FGF12: variants seen among roughly 807,000 people sequenced by gnomAD.
FGF12 encodes fibroblast growth factor 12B.
Under a neutral mutation model 23.6 loss-of-function variants are expected in FGF12, and 14 were observed. That is an observed-to-expected ratio of 0.59 (90% CI 0.39 to 0.93). The LOEUF is 0.93. Ranked by LOEUF, FGF12 falls within the 40% of genes least tolerant of loss-of-function variation. The pLI is 0.00. For missense variants in FGF12, 175 were observed against 217.8 expected, an observed-to-expected ratio of 0.80 and a Z score of 1.24; for synonymous variants, 62 against 77.3, an observed-to-expected ratio of 0.80 and a Z score of 1.04.
intron 4 of FGF12, among the ~76,000 whole-genome samples, chr3:192,183,530 G>C (rs942777471): frequency 6.6e-6 from 1 of 152,212 alleles, no homozygotes; most frequent in Admixed American, 6.5e-5. Context: ...AATGAAGACA[G>C]AGAGGCCTGG....
chr3:192,287,201 T>C (rs779012033), intron 4 of FGF12, among the ~76,000 whole-genome samples: 48 of 152,064 alleles, frequency 3.2e-4, no homozygotes, highest in Non-Finnish European at 6.6e-4. Flanking sequence ...TAATAATTTA[T>C]GAACCATCCT....
At chr3:192,340,064 CT>C (rs1355200830) in intron 3 of FGF12, among the ~76,000 whole-genome samples, 1 of 152,086 alleles carries the variant, frequency 6.6e-6, no homozygotes, top group Non-Finnish European at 1.5e-5. Flanking sequence ...CACTCCAATA[CT>C]GAGTGCTTCT....
intron 2 of FGF12, among the ~76,000 whole-genome samples, chr3:192,526,080 A>G (rs554974382): frequency 6.6e-6 from 1 of 152,278 alleles, no homozygotes; most frequent in African/African-American, 2.4e-5. Flanking sequence ...CCTGAGTCAC[A>G]CTTCCATGTT....
chr3:192,518,498 G>C (rs1345176158), intron 2 of FGF12, among the ~76,000 whole-genome samples: 1 of 152,164 alleles, frequency 6.6e-6, no homozygotes, highest in Non-Finnish European at 1.5e-5. Flanking sequence ...CTTGGCATCA[G>C]CTGTGCAATT....
At chr3:192,216,479 T>C (rs1029120581) in intron 4 of FGF12, among the ~76,000 whole-genome samples, 6 of 152,224 alleles carry the variant, frequency 3.9e-5, no homozygotes, top group African/African-American at 1.4e-4. Flanking sequence ...TCAAATGAAA[T>C]ACATATCATA....
chr3:192,277,731 T>C (rs1030620574), intron 4 of FGF12, among the ~76,000 whole-genome samples: 2 of 152,112 alleles, frequency 1.3e-5, no homozygotes, highest in African/African-American at 4.8e-5. Flanking sequence ...GCTGTCACAG[T>C]CCCTGCAGCT....
At chr3:192,696,099 A>C (rs1560197437) in intron 2 of FGF12, among the ~76,000 whole-genome samples, 1 of 151,716 alleles carries the variant, frequency 6.6e-6, no homozygotes, top group Non-Finnish European at 1.5e-5. Flanking sequence ...ATTCTGTTTA[A>C]TGGTGGGCTA....
intron 2 of FGF12, among the ~76,000 whole-genome samples, chr3:192,647,870 T>C (rs1288112941): frequency 1.3e-5 from 2 of 151,710 alleles, no homozygotes; most frequent in African/African-American, 4.8e-5. Flanking sequence ...CCAAGCAAAC[T>C]AAATAGGAAA....
chr3:192,628,865 T>C (rs547432208), intron 2 of FGF12, among the ~76,000 whole-genome samples: 1 of 152,002 alleles, frequency 6.6e-6, no homozygotes, highest in Non-Finnish European at 1.5e-5. Flanking sequence ...ATCGGTTCCG[T>C]TTCTCTGGAG....
intron 4 of FGF12, among the ~76,000 whole-genome samples, chr3:192,292,862 G>C (rs1287001755): frequency 1.3e-5 from 2 of 152,028 alleles, no homozygotes; most frequent in African/African-American, 4.8e-5. Context: ...CTACAGCCTC[G>C]ACCTCCTGAG....
chr3:192,557,107 A>C (rs113154887), intron 2 of FGF12, among the ~76,000 whole-genome samples: 1,544 of 152,084 alleles, frequency 0.01, 17 homozygotes, highest in African/African-American at 0.034. Flanking sequence ...AAGAAAAAAA[A>C]CCTCAAATAA....
chr3:192,203,771 T>C (rs923727712), intron 4 of FGF12, among the ~76,000 whole-genome samples: 5 of 152,078 alleles, frequency 3.3e-5, no homozygotes, highest in Admixed American at 3.3e-4. Context: ...CACCTAATTT[T>C]TAAAATTTTT....
intron 2 of FGF12, among the ~76,000 whole-genome samples, chr3:192,631,608 G>A (rs1239862887): frequency 6.6e-6 from 1 of 152,124 alleles, no homozygotes; most frequent in Admixed American, 6.5e-5. Flanking sequence ...TTAAAGTGGA[G>A]CTCTAAAAAA....
intron 2 of FGF12, among the ~76,000 whole-genome samples, chr3:192,399,069 T>C (rs182426175): frequency 3.3e-5 from 5 of 152,004 alleles, no homozygotes. Flanking sequence ...TTCCATATGA[T>C]GATGCAGCTC....
intron 4 of FGF12, among the ~76,000 whole-genome samples, chr3:192,192,778 G>T (rs1467131909): frequency 6.6e-6 from 1 of 152,002 alleles, no homozygotes; most frequent in Non-Finnish European, 1.5e-5. Flanking sequence ...CCTTCAACAG[G>T]TATTTATGAA....
At chr3:192,545,923 C>T (rs1373350549) in intron 2 of FGF12, among the ~76,000 whole-genome samples, 1 of 152,102 alleles carries the variant, frequency 6.6e-6, no homozygotes, top group African/African-American at 2.4e-5. Context: ...GAAAAGTAGT[C>T]CAATCTGACT....
chr3:192,457,038 CT>C (rs1223705774), intron 2 of FGF12, among the ~76,000 whole-genome samples: 8 of 152,182 alleles, frequency 5.3e-5, no homozygotes, highest in Non-Finnish European at 1.2e-4. Context: ...CTCATGAGAT[CT>C]GTTGGTTTTA....
At chr3:192,472,908 T>G (rs538024097) in intron 2 of FGF12, among the ~76,000 whole-genome samples, 95 of 152,312 alleles carry the variant, frequency 6.2e-4, no homozygotes, top group African/African-American at 2.0e-3. Flanking sequence ...ACCTAAATAA[T>G]TCCTATCCCA....
intron 4 of FGF12, among the ~76,000 whole-genome samples, chr3:192,185,214 T>G (rs79930260): frequency 6.6e-6 from 1 of 152,240 alleles, no homozygotes; most frequent in Non-Finnish European, 1.5e-5. Flanking sequence ...CACTTTGTAT[T>G]ACATATCATG....
Sources: allele counts gnomAD v4.1 joint callset (sites outside exome capture counted in the v4.1 genomes callset), GRCh38; gene constraint gnomAD v4.1.1; transcripts MANE v1.5; gene names NCBI Gene and HGNC (gene_info 2026-07-23, HGNC 2026-07-21).